NSD2: variants seen among roughly 807,000 people sequenced by gnomAD.
The protein encoded by NSD2 is histone-lysine N-methyltransferase NSD2.
Under a neutral mutation model 139.0 loss-of-function variants are expected in NSD2, and 12 were observed. The ratio of observed to expected loss-of-function variants is 0.09; its 90% confidence interval spans 0.06 to 0.14. The LOEUF (loss-of-function observed/expected upper bound fraction) is 0.14, where lower values mean the gene tolerates loss of function less well. NSD2 is among the 10% of genes least tolerant of loss of function. NSD2 has a pLI of 1.00. For missense variants in NSD2, 1,155 were observed against 1,745.0 expected (o/e 0.66, Z 6.02); for synonymous variants, 669 against 648.7 (o/e 1.03, Z -0.48).
chr4:1,894,674 T>TAAA (rs61535099), intron 1 of NSD2, among the ~76,000 whole-genome samples: 1 of 104,016 alleles, frequency 9.6e-6, no homozygotes, highest in East Asian at 2.7e-4. Flanking sequence ...CCTGTCTCAA[T>TAAA]AAAAAAAAAA....
intron 2 of NSD2, among the ~76,000 whole-genome samples, chr4:1,901,824 C>T (rs999870733): frequency 1.3e-5 from 2 of 152,234 alleles, no homozygotes; most frequent in East Asian, 3.8e-4. Context: ...TGTCTTTTGC[C>T]TCCTGTTCTT....
chr4:1,971,732 C>G (rs574148489), intron 18 of NSD2, among the ~76,000 whole-genome samples: 1 of 152,226 alleles, frequency 6.6e-6, no homozygotes, highest in East Asian at 1.9e-4. Flanking sequence ...GAGAGCAGTT[C>G]CTTGTGACCG....
At chr4:1,907,615 CTTT>C (rs765535552) in intron 3 of NSD2, among the ~76,000 whole-genome samples, 2 of 93,628 alleles carry the variant, frequency 2.1e-5, no homozygotes, top group Admixed American at 1.4e-4. Flanking sequence ...TGTTGAATCT[CTTT>C]TTTTTTTTTT....
intron 3 of NSD2, among the ~76,000 whole-genome samples, chr4:1,916,099 T>G (rs913669578): frequency 6.6e-6 from 1 of 152,160 alleles, no homozygotes; most frequent in Non-Finnish European, 1.5e-5. Flanking sequence ...CTCTGTGGTC[T>G]GAGCTGCTCT....
intron 3 of NSD2, among the ~76,000 whole-genome samples, chr4:1,911,485 G>A (rs1451827846): frequency 6.6e-6 from 1 of 151,464 alleles, no homozygotes; most frequent in Non-Finnish European, 1.5e-5. Context: ...CTCCTGGGAA[G>A]GCTGAGGCAT....
At chr4:1,943,588 G>C in intron 9 of NSD2, 1 of 1,049,740 alleles carries the variant, frequency 9.5e-7, no homozygotes, top group Non-Finnish European at 1.2e-6. Context: ...TGGACTGTAT[G>C]GCTGAGGGCT....
rs1577602656 is a variant in NSD2, at chr4:1,981,167, A to AAAT, written c.*2262_*2264dup. On this transcript the variant is annotated 3_prime_UTR_variant, in exon 22 of 22. Transcript: ENST00000508803. ...CCAAATTTTATGATTTTTCTGAAGG[A>AAAT]AATAATGCAAACATTTTAAATATGT... The AAAT allele has an allele frequency of 1.3e-5, 3 of 233,350 alleles. No homozygotes were observed. In the East Asian group the frequency reaches 1.8e-4, roughly 14 times the overall value. The allele number at this position is 233,350 out of a possible 1,614,324, so 14.5% of individuals were successfully genotyped here. A position where few individuals can be genotyped will look rare whatever the true frequency, so the allele number is the denominator to read the frequency against.
At chr4:1,932,439 CAA>C (rs776037394) in intron 6 of NSD2, among the ~76,000 whole-genome samples, 33 of 65,378 alleles carry the variant, frequency 5.0e-4, no homozygotes, top group Admixed American at 9.1e-4. Flanking sequence ...AGTCAATCTC[CAA>C]AAAAAAAAAA....
chr4:1,925,682 A>C (rs1720802101), intron 5 of NSD2, among the ~76,000 whole-genome samples: 1 of 151,774 alleles, frequency 6.6e-6, no homozygotes, highest in Admixed American at 6.6e-5. Context: ...TACAGGCCTG[A>C]GCCACTGCAC....
intron 6 of NSD2, among the ~76,000 whole-genome samples, chr4:1,934,289 T>C (rs1577481026): frequency 6.6e-6 from 1 of 151,828 alleles, no homozygotes; most frequent in East Asian, 2.0e-4. Context: ...TCCTCCATGT[T>C]GGTCAGGCTG....
intron 1 of NSD2, among the ~76,000 whole-genome samples, chr4:1,879,490 A>G (rs1714544894): frequency 1.3e-5 from 2 of 152,264 alleles, no homozygotes; most frequent in Non-Finnish European, 1.5e-5. Context: ...AAATGCTGGG[A>G]TTACAGGCTT....
At chr4:1,951,553 A>G (rs553323463) in intron 10 of NSD2, among the ~76,000 whole-genome samples, 23 of 145,204 alleles carry the variant, frequency 1.6e-4, no homozygotes, top group African/African-American at 5.6e-4. Context: ...GTGAGGTGCT[A>G]GGCCTGTTTT....
chr4:1,881,222 G>C (rs1447983091), intron 1 of NSD2, among the ~76,000 whole-genome samples: 2 of 151,990 alleles, frequency 1.3e-5, no homozygotes, highest in Non-Finnish European at 1.5e-5. Context: ...GGACACAGGC[G>C]TGTGCCACTA....
chr4:1,943,165 G>T (rs1007927991), intron 9 of NSD2: 1 of 1,042,052 alleles, frequency 9.6e-7, no homozygotes, highest in Non-Finnish European at 1.2e-6. Context: ...CCAGGTGTCC[G>T]CATTTTTGCA....
rs1433792973 is a variant in NSD2 at position 1,959,463 on chromosome 4, C to T, written c.2986-8C>T. 4 of 1,612,180 alleles carry T rather than the reference C, an allele frequency of 2.5e-6. No individual in the cohort carries two copies. The highest frequency in any genetic ancestry group is 3.4e-6 in the Non-Finnish European group (4 of 1,178,888). ...TGTGGACCAAGACAGCTTACTCCTT[C>T]CCTGCAGGTGAATAAGCCTTACGGG... On this transcript the variant is annotated splice_polypyrimidine_tract_variant and splice_region_variant and intron_variant, in intron 16 of 21. Transcript: ENST00000508803.
At chr4:1,951,443 T>TACAC (rs71167763) in intron 10 of NSD2, among the ~76,000 whole-genome samples, 56 of 101,062 alleles carry the variant, frequency 5.5e-4, no homozygotes, top group African/African-American at 1.5e-3. Context: ...CATCATGTAA[T>TACAC]ACACACACAC....
At chr4:1,883,536 G>T (rs1361141488) in intron 1 of NSD2, among the ~76,000 whole-genome samples, 2 of 151,602 alleles carry the variant, frequency 1.3e-5, no homozygotes, top group African/African-American at 4.9e-5. Context: ...GGAGGCTGAG[G>T]CACGAGAATT....
rs935759691 is a variant in NSD2, at chr4:1,939,901, A to T, written c.1881+123A>T. Reference sequence around the variant, plus strand: ...GCATTGGTGCTCACTGCCAGTGCAGATGTTTTAGGGCCTCTTGGCTAACTC... The same window carrying T: ...GCATTGGTGCTCACTGCCAGTGCAGTTGTTTTAGGGCCTCTTGGCTAACTC... On this transcript the variant is annotated intron_variant, in intron 9 of 21. Transcript: ENST00000508803. 4.5e-6 allele frequency: 7 copies of T among 1,560,380 alleles called. No homozygotes were observed. The African/African-American group carries it at 9.5e-5, about 21-fold the overall frequency.
chr4:1,900,999 C>A lies in NSD2; in HGVS notation c.345C>A (p.Thr115=). The A allele has an allele frequency of 6.2e-7, 1 of 1,614,180 alleles. No individual in the cohort carries two copies. The highest frequency in any genetic ancestry group is 8.5e-7 in the Non-Finnish European group (1 of 1,180,036). ...GGATTGGGACACCCCCTAACACTACCCCTATCAAAAATGGCTCTCCAGAAA... is the reference window on the plus strand; with the variant it reads ...GGATTGGGACACCCCCTAACACTACACCTATCAAAAATGGCTCTCCAGAAA... ...MKGIGTPPNT[T]PIKNGSPEIK... is the part of the protein sequence containing the mutation. Residue 115 remains threonine, a synonymous_variant, in exon 2 of 22, where the codon ACC becomes ACA. Transcript: ENST00000508803.
Sources: gnomAD v4.1 joint callset for allele counts (sites outside exome capture counted in the v4.1 genomes callset) on GRCh38, gnomAD v4.1.1 for gene constraint, MANE v1.5 for transcripts, NCBI Gene and HGNC (gene_info 2026-07-23, HGNC 2026-07-21) for gene names.